Variants in SLC26A3 observed in about 807,000 individuals in gnomAD.
SLC26A3 encodes the protein chloride anion exchanger.
SLC26A3 carries 64 observed loss-of-function variants against 85.6 expected under a neutral mutation model. The ratio of observed to expected loss-of-function variants is 0.75; its 90% CI spans 0.61 to 0.92. SLC26A3 has a LOEUF of 0.92. Among genes scored for constraint, SLC26A3 ranks in the 40% least tolerant of loss-of-function variants. SLC26A3 has a pLI of 0.00. For missense variants in SLC26A3, 922 were observed against 927.3 expected (o/e 0.99, Z 0.07); for synonymous variants, 349 against 336.0 (o/e 1.04, Z -0.42).
chr7:107,767,988 C>T, intron 18 of SLC26A3, 80 bp from the exon 19 acceptor site: 1 of 1,331,262 alleles, frequency 7.5e-7, no homozygotes, highest in Non-Finnish European at 1.1e-6. Context: ...GTAATTTCAC[C>T]TTCCATTTGC....
At chr7:107,802,093 G>GAA (rs55666944) in intron 1 of SLC26A3, among the ~76,000 whole-genome samples, 13 of 96,820 alleles carry the variant, frequency 1.3e-4, no homozygotes, top group African/African-American at 1.7e-4. Context: ...ATCCGTCTCA[G>GAA]AAAAAAAAAA....
At chr7:107,774,186 G>T in intron 16 of SLC26A3, 33 bp from the exon 17 acceptor site, 1 of 1,523,768 alleles carries the variant, frequency 6.6e-7, no homozygotes, top group South Asian at 1.1e-5. Context: ...TGAAAACTGT[G>T]ACCAAGAAAA....
At chr7:107,787,678 T>C (rs1256690501) in intron 6 of SLC26A3, among the ~76,000 whole-genome samples, 169 bp from the exon 7 acceptor site, 1 of 152,154 alleles carries the variant, frequency 6.6e-6, no homozygotes, top group Non-Finnish European at 1.5e-5. Flanking sequence ...TTGTAGAGAG[T>C]AGCGATGGAG....
chr7:107,789,616 T>G lies in SLC26A3; in HGVS notation c.643A>C (p.Thr215Pro). The change falls in exon 6 of 21, where the codon ACT (threonine) becomes CCT (proline). Residue 215 changes from threonine to proline, a missense_variant. Transcript: ENST00000340010. ...ACCAAAACATGAACAGCAGCAGCAG[T>G]AGTGAAGCCACTGATGAGGGACTCA... ...LSESLISGFT[T>P]AAAVHVLVSQ... is the part of the protein sequence containing the mutation. The G allele has an allele frequency of 6.2e-7, 1 of 1,614,060 alleles. No individual in the cohort carries two copies. Among genetic ancestry groups the G allele is most frequent in the Non-Finnish European group, 8.5e-7 (1 of 1,179,964 alleles).
At chr7:107,792,492 C>T (rs759879133) in intron 3 of SLC26A3, among the ~76,000 whole-genome samples, 27 of 151,882 alleles carry the variant, frequency 1.8e-4, no homozygotes, top group Non-Finnish European at 3.4e-4. Context: ...CCCTTGCGTG[C>T]ACAGTTCACG....
chr7:107,794,306 G>C, intron 2 of SLC26A3, 73 bp downstream of exon 2: 1 of 1,557,942 alleles, frequency 6.4e-7, no homozygotes, highest in South Asian at 1.1e-5. Context: ...AGGAGAGTTG[G>C]AAAGTTAGAA....
In SLC26A3 at chr7:107,789,473, A is replaced by C. The variant is rs183902382; in HGVS notation, c.735+51T>G. ...TTAAAGGAAAGCTCTCTAAAAACACAGTAGTGAGTTTCATGTATTTCAGTA... is the reference window on the plus strand; with the variant it reads ...TTAAAGGAAAGCTCTCTAAAAACACCGTAGTGAGTTTCATGTATTTCAGTA... On this transcript the variant is annotated intron_variant, in intron 6 of 20. Transcript: ENST00000340010. 1.4e-4 allele frequency: 220 copies of C among 1,545,524 alleles called. 2 individuals carry two copies. The East Asian group carries it at 3.7e-3, about 26-fold the overall frequency.
chr7:107,777,407 C>T (rs953072472), intron 13 of SLC26A3, among the ~76,000 whole-genome samples: 48 of 152,176 alleles, frequency 3.2e-4, no homozygotes, highest in African/African-American at 1.2e-3. Flanking sequence ...ACCAGCCTGG[C>T]CAACACGGTG....
At position 107,783,279 on chromosome 7, in the gene SLC26A3, C is replaced by G; in HGVS notation, c.1045G>C (p.Val349Leu). Residue 349 changes from valine to leucine, a missense_variant, in exon 9 of 21, where the codon GTT becomes CTT. Coordinates refer to ENST00000340010, the MANE Select transcript of SLC26A3 (RefSeq NM_000111.3). ...TVGDCFGIAMVAFAVAFSVAS... is the reference protein window; with the variant it reads ...TVGDCFGIAMLAFAVAFSVAS... ...ACTGAAAAGGCCACTGCAAATGCAA[C>G]CATTGCGATGCCGAAGCAATCTCCT... The G allele has an allele frequency of 6.2e-7, 1 of 1,614,214 alleles. No homozygotes were observed. The highest frequency in any genetic ancestry group is 1.3e-5 in the African/African-American group (1 of 75,056).
chr7:107,779,588 A>G, intron 12 of SLC26A3, 80 bp downstream of exon 12: 2 of 1,140,430 alleles, frequency 1.8e-6, no homozygotes, highest in South Asian at 2.5e-5. Context: ...CTTAGTTTAC[A>G]ATATAAACAT....
chr7:107,770,151 TTC>T (rs1232388458), intron 18 of SLC26A3, among the ~76,000 whole-genome samples: 6 of 85,672 alleles, frequency 7.0e-5, no homozygotes, highest in African/African-American at 2.5e-4. Flanking sequence ...TTTCTTTTCT[TTC>T]TTTTTTTTTT....
chr7:107,783,478 G>A lies in SLC26A3; in HGVS notation c.972-126C>T, dbSNP rs200741833. The A allele has an allele frequency of 2.3e-5, 26 of 1,138,780 alleles. No individual in the cohort carries two copies. In the East Asian group the frequency reaches 3.9e-4, roughly 17 times the overall value. The allele number at this position is 1,138,780 out of a possible 1,614,324, so 70.5% of individuals were successfully genotyped here. A position where few individuals can be genotyped will look rare whatever the true frequency, so the allele number is the denominator to read the frequency against. On this transcript the variant is annotated intron_variant, in intron 8 of 20. Coordinates refer to ENST00000340010, the MANE Select transcript of SLC26A3 (RefSeq NM_000111.3). ...TGTCTCACTTTGGAGTATGATTAAC[G>A]AGAATTTAGCTCCACTAACAATTTT...
intron 11 of SLC26A3, 23 bp downstream of exon 11, chr7:107,782,774 A>G (rs1381592364): frequency 1.9e-6 from 3 of 1,606,168 alleles, no homozygotes; most frequent in Non-Finnish European, 2.6e-6. Flanking sequence ...AAAAGTAGAG[A>G]TGCTATCCAA....
intron 1 of SLC26A3, among the ~76,000 whole-genome samples, chr7:107,800,283 C>A (rs1794578224): frequency 6.6e-6 from 1 of 152,102 alleles, no homozygotes; most frequent in South Asian, 2.1e-4. Context: ...TTGCTTGAGG[C>A]CAGGAGTTCA....
Position 107,783,237 on chromosome 7 carries a change from G to C in SLC26A3, c.1087C>G (p.Leu363Val). ...CCATCAAGTGGATAATCGTATTTGA[G>C]GGAATAGACGCTGGCAACTGAAAAG... Reference protein sequence around the residue: ...VAFSVASVYSLKYDYPLDGNQ... With the variant: ...VAFSVASVYSVKYDYPLDGNQ... The change falls in exon 9 of 21, where the codon CTC becomes GTC. Residue 363 changes from leucine (L) to valine (V), a missense_variant. Physicochemically the swap from Leu to Val is conservative, Grantham distance 32 (BLOSUM62 1). Coordinates refer to ENST00000340010, the MANE Select transcript of SLC26A3 (RefSeq NM_000111.3). 6.2e-7 allele frequency: 1 copy of C among 1,614,184 alleles called. No homozygotes were observed.
Position 107,772,074 on chromosome 7 carries a change from A to G in SLC26A3, c.2042T>C (p.Val681Ala). Residue 681 changes from valine (V) to alanine (A), a missense_variant, in exon 18 of 21, where the codon GTG becomes GCG. By Grantham distance (64) the Val-to-Ala change is moderately conservative. Coordinates refer to ENST00000340010, the MANE Select transcript of SLC26A3 (RefSeq NM_000111.3). ...CTTACCATCAGTTCCAACGATATAC[A>G]CATCTACCTTGATCCTGATAAATTC... ...LQEFIRIKVDVYIVGTDDDFI... is the reference protein window; with the variant it reads ...LQEFIRIKVDAYIVGTDDDFI... The G allele has an allele frequency of 6.2e-7, 1 of 1,612,510 alleles. No individual in the cohort carries two copies. The highest frequency in any genetic ancestry group is 1.3e-5 in the African/African-American group (1 of 75,022).
chr7:107,768,000 A>G, intron 18 of SLC26A3, 92 bp from the exon 19 acceptor site: 1 of 1,176,864 alleles, frequency 8.5e-7, no homozygotes, highest in Non-Finnish European at 1.3e-6. Flanking sequence ...TCCATTTGCA[A>G]ATGTGCGTTT....
Position 107,787,359 on chromosome 7 carries a change from T to A in SLC26A3, c.886A>T (p.Met296Leu). ...LPVPIPIEFI[M>L]TVIAAGVSYG... ...AGAGTCTGAAAATGATCAATTACCATAATGAATTCGATTGGAATGGGCACT... is the reference window on the plus strand; with the variant it reads ...AGAGTCTGAAAATGATCAATTACCAAAATGAATTCGATTGGAATGGGCACT... Residue 296 changes from methionine to leucine, a missense_variant and splice_region_variant, in exon 7 of 21, where the codon ATG (methionine) becomes TTG (leucine). Transcript: ENST00000340010. 2 of 1,613,954 alleles carry A rather than the reference T, an allele frequency of 1.2e-6. No individual in the cohort carries two copies. The highest frequency in any genetic ancestry group is 1.7e-5 in the Admixed American group (1 of 60,022).
At position 107,791,054 on chromosome 7, in the gene SLC26A3, G is replaced by A; in HGVS notation, c.564C>T (p.Ile188=). ...AAASVTVLSG[I]IQLAFGILRI... is the part of the protein sequence containing the mutation. ...TACATGAGAAGGTGCTCACCTGGAT[G>A]ATTCCAGAAAGCACTGTGACTGATG... Residue 188 remains isoleucine (I), a synonymous_variant, in exon 5 of 21, where the codon ATC becomes ATT. Transcript: ENST00000340010. The A allele has an allele frequency of 6.2e-7, 1 of 1,613,748 alleles. No homozygotes were observed.
Sources: gnomAD v4.1 joint callset for allele counts (sites outside exome capture counted in the v4.1 genomes callset) on GRCh38, gnomAD v4.1.1 for gene constraint, MANE v1.5 for transcripts, NCBI Gene and HGNC (gene_info 2026-07-23, HGNC 2026-07-21) for gene names.